GLIS3: variants seen among roughly 807,000 people sequenced by gnomAD.
The protein encoded by GLIS3 is GLIS family zinc finger 3.
A neutral mutation model predicts 78.6 loss-of-function variants in GLIS3; 53 were observed. The observed-to-expected ratio is 0.67, with a 90% CI of 0.54 to 0.85. The LOEUF is 0.85. Among genes scored for constraint, GLIS3 ranks in the 40% least tolerant of loss-of-function variants. The probability of loss-of-function intolerance (pLI) is 0.00; values close to 1 mark genes in which losing one functional copy is unlikely to be tolerated. For synonymous variants in GLIS3, 684 were observed against 509.9 expected, an observed-to-expected ratio of 1.34 and a Z score of -4.60; for missense variants, 1,703 against 1,231.1, an observed-to-expected ratio of 1.38 and a Z score of -5.74.
intron 4 of GLIS3, among the ~76,000 whole-genome samples, chr9:3,985,586 T>C (rs1053498323): frequency 6.6e-6 from 1 of 152,234 alleles, no homozygotes; most frequent in African/African-American, 2.4e-5. Context: ...TAGAATGTCA[T>C]CTTCTACCAC....
chr9:4,435,718 G>A, the GLIS3 span, among the ~76,000 whole-genome samples: 2 of 152,236 alleles, frequency 1.3e-5, no homozygotes, highest in African/African-American at 4.8e-5. Context: ...GGGAGGCCAA[G>A]GCGGGCGGAT....
At chr9:4,093,261 G>GAA (rs34660802) in intron 4 of GLIS3, among the ~76,000 whole-genome samples, 95 of 143,232 alleles carry the variant, frequency 6.6e-4, no homozygotes, top group African/African-American at 1.5e-3. Flanking sequence ...ATGCTGCCTG[G>GAA]AAAAAAAAAA....
the GLIS3 span, among the ~76,000 whole-genome samples, chr9:4,420,585 C>T: frequency 2.6e-5 from 4 of 152,220 alleles, no homozygotes; most frequent in Non-Finnish European, 4.4e-5. Flanking sequence ...TGTTTTCTCT[C>T]CCTAATGTTT....
intron 2 of GLIS3, among the ~76,000 whole-genome samples, chr9:4,214,847 T>G (rs7043121): frequency 6.6e-6 from 1 of 151,998 alleles, no homozygotes; most frequent in East Asian, 1.9e-4. Flanking sequence ...GAAAAAAAAT[T>G]AGCCTTGCAA....
chr9:4,244,685 C>T (rs1280212749), intron 2 of GLIS3, among the ~76,000 whole-genome samples: 1 of 152,094 alleles, frequency 6.6e-6, no homozygotes, highest in Non-Finnish European at 1.5e-5. Context: ...AGTGATTCTC[C>T]TGCCTCAACC....
At chr9:4,311,183 C>A (rs60902118) in intron 2 of GLIS3, among the ~76,000 whole-genome samples, 1 of 152,012 alleles carries the variant, frequency 6.6e-6, no homozygotes, top group Non-Finnish European at 1.5e-5. Flanking sequence ...CTGAGGCAGG[C>A]GGATCACTTG....
At chr9:4,336,136 G>GA (rs1345448236) in intron 2 of GLIS3, among the ~76,000 whole-genome samples, 1 of 152,198 alleles carries the variant, frequency 6.6e-6, no homozygotes, top group African/African-American at 2.4e-5. Flanking sequence ...AATAGCAGTA[G>GA]AAAGCAATAG....
intron 2 of GLIS3, among the ~76,000 whole-genome samples, chr9:4,173,210 G>A (rs930869538): frequency 6.6e-6 from 1 of 152,116 alleles, no homozygotes; most frequent in Admixed American, 6.6e-5. Context: ...GCCAAAACAG[G>A]AATACAAGTG....
intron 4 of GLIS3, among the ~76,000 whole-genome samples, chr9:3,940,153 A>C (rs1025526371): frequency 6.6e-6 from 1 of 152,266 alleles, no homozygotes; most frequent in African/African-American, 2.4e-5. Context: ...TATAAGTTCA[A>C]TTAAATGCAA....
chr9:4,126,194 C>T (rs1046706189), intron 2 of GLIS3, among the ~76,000 whole-genome samples: 8 of 152,030 alleles, frequency 5.3e-5, no homozygotes, highest in Non-Finnish European at 1.2e-4. Flanking sequence ...TAGAAGTGTC[C>T]AGTTATATTA....
At chr9:4,260,106 A>G (rs923999226) in intron 2 of GLIS3, among the ~76,000 whole-genome samples, 4 of 152,140 alleles carry the variant, frequency 2.6e-5, no homozygotes, top group Non-Finnish European at 5.9e-5. Context: ...AAATCCCCAT[A>G]CCCTTCAGCT....
intron 4 of GLIS3, among the ~76,000 whole-genome samples, chr9:4,021,873 C>G (rs1365681570): frequency 6.6e-6 from 1 of 152,184 alleles, no homozygotes; most frequent in Non-Finnish European, 1.5e-5. Flanking sequence ...CAACATATCT[C>G]TAACATTTGA....
Position 4,322,638 on chromosome 9 carries a change from G to C in GLIS3, n.265-12110C>G, listed in dbSNP as rs893813967. Among the ~76,000 whole-genome samples the C allele has an allele frequency of 2.0e-5, 3 of 152,112 alleles. No individual in the cohort carries two copies. The South Asian group carries it at 6.2e-4, about 32-fold the overall frequency. On this transcript the variant is annotated intron_variant and non_coding_transcript_variant, in intron 2 of 4. Coordinates refer to the GLIS3 transcript ENST00000471664. ...TGAGATGGTGTCTCACTGTGTTTTTGATTTGCATTTCTCTGATGACCAGTG... is the reference window on the plus strand; with the variant it reads ...TGAGATGGTGTCTCACTGTGTTTTTCATTTGCATTTCTCTGATGACCAGTG...
At chr9:4,191,088 T>C (rs1344841914) in intron 2 of GLIS3, among the ~76,000 whole-genome samples, 1 of 150,942 alleles carries the variant, frequency 6.6e-6, no homozygotes, top group Non-Finnish European at 1.5e-5. Flanking sequence ...CATGCCAAAA[T>C]GTAAATACCA....
At chr9:4,363,929 G>A in the GLIS3 span, among the ~76,000 whole-genome samples, 20 of 152,206 alleles carry the variant, frequency 1.3e-4, no homozygotes, top group African/African-American at 4.3e-4. Flanking sequence ...TGAGGAAGCA[G>A]GGTGGGACTC....
At chr9:4,304,298 G>A (rs967922823), upstream of GLIS3, among the ~76,000 whole-genome samples, 3 of 152,222 alleles carry the variant, frequency 2.0e-5, no homozygotes, top group Non-Finnish European at 4.4e-5. Flanking sequence ...TAGGGAGTGT[G>A]AAGGAGGCAG....
chr9:4,449,417 A>C, the GLIS3 span, among the ~76,000 whole-genome samples: 6 of 152,216 alleles, frequency 3.9e-5, no homozygotes, highest in Non-Finnish European at 8.8e-5. Context: ...AAGGCAGCAG[A>C]AACTTCTGCA....
chr9:4,277,374 C>T (rs916989966), intron 2 of GLIS3, among the ~76,000 whole-genome samples: 6 of 152,116 alleles, frequency 3.9e-5, no homozygotes, highest in Non-Finnish European at 8.8e-5. Context: ...ATTGAAATAG[C>T]CAAACACAAA....
At chr9:4,086,014 T>C (rs531177081) in intron 4 of GLIS3, among the ~76,000 whole-genome samples, 39 of 152,236 alleles carry the variant, frequency 2.6e-4, no homozygotes, top group Non-Finnish European at 5.0e-4. Flanking sequence ...ACAGCTATGT[T>C]AAAGTGCCTA....
Sources: allele counts gnomAD v4.1 joint callset (sites outside exome capture counted in the v4.1 genomes callset), GRCh38; gene constraint gnomAD v4.1.1; transcripts MANE v1.5; gene names NCBI Gene and HGNC (gene_info 2026-07-23, HGNC 2026-07-21).